Variants in ASAP3 observed in about 807,000 individuals in gnomAD.
ASAP3 encodes the protein arf-GAP with SH3 domain, ANK repeat and PH domain-containing protein 3.
ASAP3 carries 85 observed loss-of-function variants against 118.2 expected under a neutral mutation model. The observed-to-expected ratio is 0.72, with a 90% CI of 0.60 to 0.86. The LOEUF (loss-of-function observed/expected upper bound fraction) is 0.86. Among genes scored for constraint, ASAP3 ranks in the 40% least tolerant of loss-of-function variants. The pLI is 0.00. For synonymous variants in ASAP3, 432 were observed against 477.4 expected, an observed-to-expected ratio of 0.90 and a Z score of 1.24; for missense variants, 1,026 against 1,175.0, an observed-to-expected ratio of 0.87 and a Z score of 1.85.
At position 23,434,575 on chromosome 1, in the gene ASAP3, T is replaced by C. The variant is rs1388517844; in HGVS notation, c.1793A>G (p.Asn598Ser). ...ATCCACCAGAGGCAGGGAAGCCTGG[T>C]TGGCGACTTTGACAGCCAAATGCAA... ...LVLHLAVKVA[N>S]QASLPLVDFI... is the part of the protein sequence containing the mutation. Residue 598 changes from asparagine to serine, a missense_variant, in exon 18 of 25, where the codon AAC (asparagine) becomes AGC (serine). Physicochemically the swap from Asn to Ser is conservative, Grantham distance 46 (BLOSUM62 1). Transcript: ENST00000336689. The C allele has an allele frequency of 1.9e-6, 3 of 1,614,138 alleles. No homozygotes were observed. The South Asian group carries it at 3.3e-5, about 18-fold the overall frequency.
At chr1:23,468,953 C>CAA (rs769202082) in intron 1 of ASAP3, among the ~76,000 whole-genome samples, 5,095 of 119,380 alleles carry the variant, frequency 0.043, 127 homozygotes, top group Middle Eastern at 0.17. Flanking sequence ...TGATAAAGTA[C>CAA]AAAAAAAAAA....
chr1:23,430,909 G>C, intron 24 of ASAP3, 126 bp downstream of exon 24: 1 of 913,132 alleles, frequency 1.1e-6, no homozygotes, highest in Non-Finnish European at 1.6e-6. Context: ...CCAAACTGTG[G>C]CTGCCTGGGC....
Position 23,455,959 on chromosome 1 carries a change from C to A in ASAP3, c.270G>T (p.Gln90His), listed in dbSNP as rs1056622939. The A allele has an allele frequency of 6.2e-7, 1 of 1,614,136 alleles. No homozygotes were observed. The highest frequency in any genetic ancestry group is 8.5e-7 in the Non-Finnish European group (1 of 1,180,030). Residue 90 changes from glutamine (Q) to histidine (H), a missense_variant, in exon 3 of 25, where the codon CAG becomes CAT. Transcript: ENST00000336689. ...VESLGNSHLS[Q>H]NSHELSTGFL... ...AGCCTGTGGACAGCTCATGGCTGTTCTGGGACAGGTGGCTGTTGCCTAAGG... is the reference window on the plus strand; with the variant it reads ...AGCCTGTGGACAGCTCATGGCTGTTATGGGACAGGTGGCTGTTGCCTAAGG...
chr1:23,434,738 G>GA, intron 17 of ASAP3, 120 bp from the exon 18 acceptor site: 1 of 903,808 alleles, frequency 1.1e-6, no homozygotes, highest in Non-Finnish European at 1.7e-6. Flanking sequence ...CAGAACCCTG[G>GA]AGAGATGAGA....
intron 10 of ASAP3, among the ~76,000 whole-genome samples, chr1:23,439,683 C>T (rs1640796017): frequency 6.6e-6 from 1 of 152,194 alleles, no homozygotes. Context: ...AACTCCGTAA[C>T]ACTTCTCCTG....
chr1:23,446,916 G>A (rs1000387982), intron 5 of ASAP3, among the ~76,000 whole-genome samples: 18 of 152,068 alleles, frequency 1.2e-4, no homozygotes, highest in Non-Finnish European at 7.4e-5. Context: ...ATATTTCCAC[G>A]GATAGCAGGG....
rs770598829 is a variant in ASAP3, at chr1:23,436,695, G to A, written c.1477-41C>T. On this transcript the variant is annotated intron_variant, in intron 15 of 24. Coordinates refer to ENST00000336689, the MANE Select transcript of ASAP3 (RefSeq NM_017707.4). This position sits in a 1 kb window ranked among gnomAD's most constrained non-coding sequence, Gnocchi z 4.2. ...AATAGACGTGGGGCGGAGTAAGACC[G>A]GGCGGTTAAGCCTGCATAGGGTGGA... 5.6e-6 allele frequency: 9 copies of A among 1,610,798 alleles called. No individual in the cohort carries two copies. The Admixed American group carries it at 1.0e-4, about 18-fold the overall frequency.
Position 23,452,225 on chromosome 1 carries a change from G to A in ASAP3, c.423+472C>T, listed in dbSNP as rs575722868. On this transcript the variant is annotated intron_variant, in intron 4 of 24. Transcript: ENST00000336689. ...GGGAGCACGGCTCCTCCCCTGGGCCGTCTGGGGCAGATTGCCCAGAGAGAT... is the reference window on the plus strand; with the variant it reads ...GGGAGCACGGCTCCTCCCCTGGGCCATCTGGGGCAGATTGCCCAGAGAGAT... 5.3e-5 allele frequency among the ~76,000 whole-genome samples: 8 copies of A among 152,310 alleles called. No individual in the cohort carries two copies. The South Asian group carries it at 8.3e-4, about 16-fold the overall frequency.
intron 1 of ASAP3, among the ~76,000 whole-genome samples, chr1:23,462,314 G>C (rs1167961819): frequency 6.7e-6 from 1 of 149,626 alleles, no homozygotes; most frequent in African/African-American, 2.4e-5. Flanking sequence ...GTGAGCCACC[G>C]CGCCCGGCCA....
chr1:23,458,424 A>G (rs1331583601), intron 1 of ASAP3, among the ~76,000 whole-genome samples: 1 of 152,108 alleles, frequency 6.6e-6, no homozygotes, highest in Admixed American at 6.6e-5. Flanking sequence ...GGAGTTCAAG[A>G]CCAGCCTGGA....
intron 24 of ASAP3, among the ~76,000 whole-genome samples, 186 bp downstream of exon 24, chr1:23,430,849 G>T (rs531012367): frequency 6.6e-6 from 1 of 152,210 alleles, no homozygotes; most frequent in African/African-American, 2.4e-5. Context: ...TGGGCACCAG[G>T]ACAGGGACTG....
At chr1:23,477,299 C>A (rs967401334) in intron 1 of ASAP3, among the ~76,000 whole-genome samples, 2 of 149,374 alleles carry the variant, frequency 1.3e-5, no homozygotes, top group Non-Finnish European at 3.0e-5. Flanking sequence ...ATCACTTGAA[C>A]CCAGGAGACA....
intron 4 of ASAP3, 74 bp downstream of exon 4, chr1:23,452,623 C>T (rs1395935764): frequency 1.3e-6 from 2 of 1,507,578 alleles, no homozygotes; most frequent in Non-Finnish European, 9.2e-7. Flanking sequence ...CTCAGTCCAG[C>T]CCTGCCCCCC....
intron 5 of ASAP3, among the ~76,000 whole-genome samples, chr1:23,446,721 A>G (rs1196976316): frequency 6.6e-6 from 1 of 152,290 alleles, no homozygotes; most frequent in East Asian, 1.9e-4. Context: ...TACAGGCATG[A>G]GCCACCATGC....
Position 23,436,651 on chromosome 1 carries a change from C to T in ASAP3, c.1480G>A (p.Ala494Thr), listed in dbSNP as rs777351413. ...DLLGPSELLL[A>T]LNMGNTSFNE... is the part of the protein sequence containing the mutation. ...AAGCTCGTGTTTCCCATGTTCAAGG[C>T]CAGCTGGAGTCGTAGGAAAATAGAC... is the stretch of plus-strand genomic sequence containing the variant. Residue 494 changes from alanine (A) to threonine (T), a missense_variant, in exon 16 of 25, where the codon GCC (alanine) becomes ACC (threonine). By Grantham distance (58) the Ala-to-Thr change is moderately conservative. Transcript: ENST00000336689. The surrounding 1 kb of genome is among the most constrained non-coding windows in gnomAD (Gnocchi z 4.2). The T allele has an allele frequency of 3.1e-6, 5 of 1,614,228 alleles. No homozygotes were observed. The highest frequency in any genetic ancestry group is 2.2e-5 in the East Asian group (1 of 44,890).
intron 5 of ASAP3, among the ~76,000 whole-genome samples, chr1:23,446,370 AT>A (rs1382753753): frequency 3.9e-5 from 6 of 151,912 alleles, no homozygotes; most frequent in Non-Finnish European, 7.4e-5. Context: ...TCAGTTATTC[AT>A]GGTCAACCCC....
chr1:23,439,375 CT>C, intron 10 of ASAP3, 145 bp from the exon 11 acceptor site: 3 of 694,758 alleles, frequency 4.3e-6, no homozygotes, highest in South Asian at 1.7e-5. Flanking sequence ...ACCCCCACCC[CT>C]GACCCCTGAC....
In ASAP3 at chr1:23,433,623, C is replaced by T. The variant is rs762508668; in HGVS notation, c.2019+3G>A. The T allele has an allele frequency of 6.8e-6, 11 of 1,614,252 alleles. No individual in the cohort carries two copies. Among genetic ancestry groups the T allele is most frequent in the Non-Finnish European group, 9.3e-6 (11 of 1,180,056 alleles). On this transcript the variant is annotated splice_donor_region_variant and intron_variant, in intron 20 of 24. Transcript: ENST00000336689. ...GGGGCCCCTTGCCTCCCCGAGTCCT[C>T]ACCAGCTCCTCACACTCCTTGTGGT...
intron 3 of ASAP3, among the ~76,000 whole-genome samples, chr1:23,454,169 C>A (rs548625018): frequency 6.7e-6 from 1 of 148,894 alleles, no homozygotes; most frequent in African/African-American, 2.5e-5. Flanking sequence ...CACAGGCATA[C>A]GCCCCCACAC....
Sources: gnomAD v4.1 joint callset for allele counts (sites outside exome capture counted in the v4.1 genomes callset) on GRCh38, gnomAD v4.1.1 for gene constraint, Gnocchi (gnomAD v3.1) non-coding constraint, MANE v1.5 for transcripts, NCBI Gene and HGNC (gene_info 2026-07-23, HGNC 2026-07-21) for gene names.